SH3RF2: variants seen among roughly 807,000 people sequenced by gnomAD.
SH3RF2 encodes E3 ubiquitin-protein ligase SH3RF2.
In SH3RF2, 43 loss-of-function variants were observed where a neutral mutation model predicts 59.0. That is an observed-to-expected ratio of 0.73 (90% CI 0.57 to 0.94). The LOEUF (loss-of-function observed/expected upper bound fraction) is 0.94, where lower values mean the gene tolerates loss of function less well. SH3RF2 is among the 40% of genes least tolerant of loss of function. The pLI, the probability that SH3RF2 is intolerant of heterozygous loss-of-function variation, is 0.00. For missense variants in SH3RF2, 930 were observed against 940.1 expected (o/e 0.99, Z 0.14); for synonymous variants, 391 against 391.5 (o/e 1.00, Z 0.01).
downstream of SH3RF2, among the ~76,000 whole-genome samples, chr5:146,065,936 G>A (rs114042736): frequency 3.7e-3 from 571 of 152,306 alleles, 4 homozygotes; most frequent in African/African-American, 0.013. Context: ...GATTACAGGC[G>A]TGAGCCACCA....
chr5:146,033,621 C>T (rs1050201581), intron 5 of SH3RF2, among the ~76,000 whole-genome samples: 1 of 151,752 alleles, frequency 6.6e-6, no homozygotes, highest in African/African-American at 2.4e-5. Context: ...CAGGCACGCA[C>T]CACCACGCCC....
chr5:146,016,557 C>T (rs1428428691), intron 5 of SH3RF2, among the ~76,000 whole-genome samples: 1 of 152,134 alleles, frequency 6.6e-6, no homozygotes, highest in Non-Finnish European at 1.5e-5. Flanking sequence ...ATTATCAACA[C>T]TTTATAGCAA....
At chr5:146,030,567 G>A (rs867801588) in intron 5 of SH3RF2, among the ~76,000 whole-genome samples, 2 of 152,150 alleles carry the variant, frequency 1.3e-5, no homozygotes, top group African/African-American at 4.8e-5. Context: ...CAGTAACCAG[G>A]TCACTAGGAG....
intron 2 of SH3RF2, among the ~76,000 whole-genome samples, chr5:145,947,182 A>G (rs559799860): frequency 1.3e-3 from 194 of 148,954 alleles, no homozygotes; most frequent in African/African-American, 4.7e-3. Context: ...TTAAAATAAA[A>G]TTATATATAT....
chr5:146,060,356 ACTC>A (rs1319549464), intron 9 of SH3RF2, 132 bp downstream of exon 9: 5 of 737,912 alleles, frequency 6.8e-6, no homozygotes, highest in East Asian at 2.9e-5. Flanking sequence ...CACACATAAC[ACTC>A]CTCCTCCCCA....
chr5:146,052,723 C>G (rs1481127985), intron 7 of SH3RF2, among the ~76,000 whole-genome samples: 1 of 152,226 alleles, frequency 6.6e-6, no homozygotes, highest in African/African-American at 2.4e-5. Flanking sequence ...GTCCATCTAT[C>G]TGTGTGCAGG....
chr5:146,004,336 T>A (rs544072341), intron 4 of SH3RF2, among the ~76,000 whole-genome samples, 183 bp downstream of exon 4: 1 of 152,340 alleles, frequency 6.6e-6, no homozygotes, highest in Admixed American at 6.5e-5. Context: ...AATGAGCCTT[T>A]TCTATTCTCC....
In SH3RF2 at chr5:146,026,341, G is replaced by A. The variant is rs764300423; in HGVS notation, c.1059+12280G>A. Among the ~76,000 whole-genome samples, 7 of 152,168 alleles carry A rather than the reference G, an allele frequency of 4.6e-5. No homozygotes were observed. In the South Asian group the frequency reaches 1.0e-3, roughly 23 times the overall value. Reference sequence around the variant, plus strand: ...ACAAGAAAGGTGATAGATACATCACGAGCGAGGCCTCAAAGAATGTGATCC... The same window carrying A: ...ACAAGAAAGGTGATAGATACATCACAAGCGAGGCCTCAAAGAATGTGATCC... On this transcript the variant is annotated intron_variant, in intron 5 of 9. Transcript: ENST00000359120.
chr5:145,956,995 T>C (rs1023725515), intron 2 of SH3RF2, among the ~76,000 whole-genome samples: 8 of 152,236 alleles, frequency 5.3e-5, no homozygotes, highest in African/African-American at 7.2e-5. Context: ...GCAGCAAAGA[T>C]AGAAGTTTTG....
chr5:145,951,974 T>G (rs1276420570), intron 2 of SH3RF2, among the ~76,000 whole-genome samples: 2 of 152,174 alleles, frequency 1.3e-5, no homozygotes, highest in African/African-American at 4.8e-5. Flanking sequence ...TAAGTCAACC[T>G]CCCTGAGCCC....
chr5:145,948,131 TA>T (rs1758062696), intron 2 of SH3RF2, among the ~76,000 whole-genome samples: 1 of 152,226 alleles, frequency 6.6e-6, no homozygotes, highest in East Asian at 1.9e-4. Flanking sequence ...GAATCTCATT[TA>T]ACTCTACATA....
intron 9 of SH3RF2, among the ~76,000 whole-genome samples, chr5:146,073,555 A>G (rs1763279119): frequency 6.6e-6 from 1 of 152,184 alleles, no homozygotes; most frequent in Non-Finnish European, 1.5e-5. Context: ...GTCCATTATG[A>G]CCTATGGGCT....
In SH3RF2 at chr5:145,993,462, G is replaced by T. The variant is rs144953100; in HGVS notation, c.379-6596G>T. ...AGCAGAGGTTCTCCATGACAGCCCT[G>T]CCACTGCAGCAAAATTCTGCCTGGA... On this transcript the variant is annotated intron_variant, in intron 2 of 9. Coordinates refer to ENST00000359120, the MANE Select transcript of SH3RF2 (RefSeq NM_152550.4). Among the ~76,000 whole-genome samples, 1,114 of 152,288 alleles carry T rather than the reference G, an allele frequency of 7.3e-3. 18 individuals are homozygous for T. Among genetic ancestry groups the T allele is most frequent in the African/African-American group, 0.026 (1,070 of 41,542 alleles).
At chr5:145,964,336 T>C (rs2149956775) in intron 2 of SH3RF2, among the ~76,000 whole-genome samples, 1 of 146,298 alleles carries the variant, frequency 6.8e-6, no homozygotes, top group Admixed American at 6.9e-5. Flanking sequence ...TGACAGAGTC[T>C]TGCTCTGTTG....
intron 5 of SH3RF2, among the ~76,000 whole-genome samples, chr5:146,047,092 C>A (rs1762330660): frequency 6.6e-6 from 1 of 151,656 alleles, no homozygotes; most frequent in African/African-American, 2.4e-5. Context: ...ATTATTGTTT[C>A]CTCTTTTATC....
chr5:145,982,067 T>C (rs1341372923), intron 2 of SH3RF2, among the ~76,000 whole-genome samples: 1 of 152,224 alleles, frequency 6.6e-6, no homozygotes, highest in African/African-American at 2.4e-5. Context: ...TGGCTGTGTT[T>C]ACAGAAGATG....
At chr5:146,049,048 C>A in intron 6 of SH3RF2, 27 bp from the exon 7 acceptor site, 1 of 1,613,748 alleles carries the variant, frequency 6.2e-7, no homozygotes, top group Admixed American at 1.7e-5. Flanking sequence ...TTCCTTCCTC[C>A]CTCACCAGTT....
intron 4 of SH3RF2, among the ~76,000 whole-genome samples, chr5:146,013,159 C>A (rs1760973646): frequency 6.6e-6 from 1 of 152,180 alleles, no homozygotes; most frequent in African/African-American, 2.4e-5. Context: ...ACTTGAGCAA[C>A]TTCATTCACT....
At chr5:145,975,515 G>A (rs564203199) in intron 2 of SH3RF2, among the ~76,000 whole-genome samples, 1 of 152,334 alleles carries the variant, frequency 6.6e-6, no homozygotes, top group South Asian at 2.1e-4. Context: ...GGGAAGGCAG[G>A]TGTGCTAGTC....
Sources: allele counts gnomAD v4.1 joint callset (sites outside exome capture counted in the v4.1 genomes callset), GRCh38; gene constraint gnomAD v4.1.1; transcripts MANE v1.5; gene names NCBI Gene and HGNC (gene_info 2026-07-23, HGNC 2026-07-21).